The following DCAF8L2 variants were observed in gnomAD, a reference collection of about 807,000 sequenced individuals.
The protein encoded by DCAF8L2 is DDB1 and CUL4 associated factor 8 like 2.
For missense variants in DCAF8L2, 430 were observed against 490.7 expected, an observed-to-expected ratio of 0.88 and a Z score of 1.17; for synonymous variants, 200 against 190.9, an observed-to-expected ratio of 1.05 and a Z score of -0.39.
At chrX:27,642,841 A>G (rs1484872113) in intron 2 of DCAF8L2, among the ~76,000 whole-genome samples, 1 of 112,263 alleles carries the variant, frequency 8.9e-6, no homozygotes, top group Non-Finnish European at 1.9e-5. Flanking sequence ...TATATTCTCA[A>G]TAATAGTGAT....
At chrX:27,593,158 A>T (rs139671461) in intron 1 of DCAF8L2, among the ~76,000 whole-genome samples, 12,569 of 111,076 alleles carry the variant, frequency 0.11, 554 homozygotes, top group Non-Finnish European at 0.13. Flanking sequence ...AGTGTTGTGC[A>T]ACCATCACCA....
At chrX:27,610,406 T>C (rs990418916) in intron 1 of DCAF8L2, among the ~76,000 whole-genome samples, 3 of 110,716 alleles carry the variant, frequency 2.7e-5, no homozygotes, top group African/African-American at 9.9e-5. Flanking sequence ...CATGTGTGTG[T>C]GTGTGTGCGT....
chrX:27,662,188 T>C (rs1024429156), intron 2 of DCAF8L2, among the ~76,000 whole-genome samples: 3 of 110,912 alleles, frequency 2.7e-5, no homozygotes, highest in African/African-American at 9.8e-5. Context: ...AATATAGATA[T>C]TATGTCTGTA....
the DCAF8L2 span, among the ~76,000 whole-genome samples, chrX:27,548,807 G>A: frequency 8.9e-6 from 1 of 111,741 alleles, no homozygotes; most frequent in Admixed American, 9.5e-5. Flanking sequence ...TAAAGGATAG[G>A]GAGTCTAGTT....
chrX:27,606,322 TTATA>T (rs751849784), intron 1 of DCAF8L2, among the ~76,000 whole-genome samples: 1 of 62,972 alleles, frequency 1.6e-5, no homozygotes, highest in Non-Finnish European at 2.9e-5. Flanking sequence ...TATATAGGAA[TTATA>T]TATATATATA....
the DCAF8L2 span, among the ~76,000 whole-genome samples, chrX:27,580,278 G>A: frequency 9.0e-6 from 1 of 111,381 alleles, no homozygotes. Flanking sequence ...GGTTAATCAG[G>A]ACTATCTGTG....
chrX:27,584,787 G>T, the DCAF8L2 span, among the ~76,000 whole-genome samples: 3 of 111,719 alleles, frequency 2.7e-5, no homozygotes, highest in African/African-American at 9.8e-5. Flanking sequence ...AAATGGTATC[G>T]TTCTATAATT....
At chrX:27,565,434 A>G in the DCAF8L2 span, among the ~76,000 whole-genome samples, 1 of 111,625 alleles carries the variant, frequency 9.0e-6, no homozygotes, top group African/African-American at 3.3e-5. Flanking sequence ...GATCCTTTTA[A>G]TATTCTGTTG....
the DCAF8L2 span, among the ~76,000 whole-genome samples, chrX:27,502,632 G>A: frequency 9.2e-6 from 1 of 108,871 alleles, no homozygotes; most frequent in African/African-American, 3.3e-5. Flanking sequence ...AGTTTCATAA[G>A]CTACTTGCTT....
At chrX:27,483,722 T>G in the DCAF8L2 span, among the ~76,000 whole-genome samples, 1 of 111,029 alleles carries the variant, frequency 9.0e-6, no homozygotes, top group African/African-American at 3.3e-5. Flanking sequence ...TTTTATACAT[T>G]TATTTTATAC....
chrX:27,673,023 G>A, intron 2 of DCAF8L2, among the ~76,000 whole-genome samples: 1 of 110,416 alleles, frequency 9.1e-6, no homozygotes, highest in Non-Finnish European at 1.9e-5. Flanking sequence ...AGAAGTTTTG[G>A]GTAACTTTAT....
At position 27,747,281 on chromosome X, in the gene DCAF8L2, A is replaced by G. The variant is rs1602824234; in HGVS notation, c.386A>G (p.Glu129Gly). ...EIQEEGGEEEEEEEEEEEEEE... is the reference protein window; with the variant it reads ...EIQEEGGEEEGEEEEEEEEEE... ...CAAGAGGAGGGAGGGGAGGAGGAGG[A>G]AGAGGAGGAGGAGGAGGAGGAGGAG... The change falls in exon 5 of 5, where the codon GAA becomes GGA. Residue 129 changes from glutamate to glycine, a missense_variant. Glu to Gly is a moderately conservative substitution (Grantham distance 98). Transcript: ENST00000451261. 9.6e-7 allele frequency: 1 copy of G among 1,036,535 alleles called. No individual in the cohort carries two copies. Among genetic ancestry groups the G allele is most frequent in the Non-Finnish European group, 1.3e-6 (1 of 791,667 alleles). The allele number at this position is 1,036,535 out of a possible 1,213,427, so 85.4% of individuals were successfully genotyped here.
chrX:27,607,353 A>T (rs957567369), intron 1 of DCAF8L2, among the ~76,000 whole-genome samples: 1 of 111,302 alleles, frequency 9.0e-6, no homozygotes, highest in Non-Finnish European at 1.9e-5. Context: ...TACCAGAAAT[A>T]ATGAAATATG....
intron 2 of DCAF8L2, among the ~76,000 whole-genome samples, chrX:27,636,352 A>G: frequency 8.9e-6 from 1 of 112,210 alleles, no homozygotes; most frequent in Non-Finnish European, 1.9e-5. Context: ...ATTATAAGCT[A>G]AAATCTACTA....
chrX:27,546,912 C>T, the DCAF8L2 span, among the ~76,000 whole-genome samples: 110 of 112,408 alleles, frequency 9.8e-4, no homozygotes, highest in African/African-American at 3.5e-3. Flanking sequence ...ACATTTTCCC[C>T]ATTGTCTTAG....
chrX:27,646,431 T>C (rs904347062), intron 2 of DCAF8L2, among the ~76,000 whole-genome samples: 1 of 111,957 alleles, frequency 8.9e-6, no homozygotes, highest in African/African-American at 3.2e-5. Context: ...GATTAAAGAC[T>C]TAAATGTAAA....
At chrX:27,506,729 A>T in the DCAF8L2 span, among the ~76,000 whole-genome samples, 1 of 110,909 alleles carries the variant, frequency 9.0e-6, no homozygotes, top group Non-Finnish European at 1.9e-5. Flanking sequence ...TCACTCTATC[A>T]CCAAGCTGCA....
the DCAF8L2 span, among the ~76,000 whole-genome samples, chrX:27,557,263 T>C: frequency 1.8e-5 from 2 of 112,343 alleles, no homozygotes; most frequent in African/African-American, 6.5e-5. Context: ...GTTTTCAGGA[T>C]CTGATCCAAC....
intron 3 of DCAF8L2, among the ~76,000 whole-genome samples, chrX:27,709,963 GT>G (rs55904466): frequency 0.3 from 32,527 of 109,228 alleles, 4,085 homozygotes; most frequent in Middle Eastern, 0.45. Flanking sequence ...CTTTTTCTAG[GT>G]TTTTTTTATT....
Sources: gnomAD v4.1 joint callset for allele counts (sites outside exome capture counted in the v4.1 genomes callset) on GRCh38, gnomAD v4.1.1 for gene constraint, MANE v1.5 for transcripts, NCBI Gene and HGNC (gene_info 2026-07-23, HGNC 2026-07-21) for gene names.